GRAMD2B: variants seen among roughly 807,000 people sequenced by gnomAD.
GRAMD2B encodes GRAM domain containing 2B, also known as GRAM domain-containing protein 2B.
A neutral mutation model predicts 59.2 loss-of-function variants in GRAMD2B; 41 were observed. That is an observed-to-expected ratio of 0.69 (90% confidence interval 0.54 to 0.90). GRAMD2B has a LOEUF of 0.90. GRAMD2B is among the 40% of genes least tolerant of loss of function. The probability of loss-of-function intolerance (pLI) is 0.00; values close to 1 mark genes in which losing one functional copy is unlikely to be tolerated. For missense variants in GRAMD2B, 424 were observed against 500.5 expected (o/e 0.85, Z 1.46); for synonymous variants, 161 against 182.7 (o/e 0.88, Z 0.96).
chr5:126,377,368 T>A (rs1755280109), intron 1 of GRAMD2B, among the ~76,000 whole-genome samples: 1 of 152,102 alleles, frequency 6.6e-6, no homozygotes, highest in Non-Finnish European at 1.5e-5. Context: ...CCAATGCAGC[T>A]TAAGTTTCTA....
rs947463523 is a variant in GRAMD2B, at chr5:126,440,020, CT to C, written c.83+16340del. Among the ~76,000 whole-genome samples the C allele has an allele frequency of 2.2e-4, 34 of 151,206 alleles. 1 individual carries two copies. The highest frequency in any genetic ancestry group is 1.5e-4 in the Non-Finnish European group (10 of 67,738). ...GTGGAACAGTGACTCCATTAAAACT[CT>C]TTTTTTTTAATAAATTACCCAGTCT... On this transcript the variant is annotated intron_variant, in intron 1 of 13. Coordinates refer to ENST00000285689, the MANE Select transcript of GRAMD2B (RefSeq NM_023927.4).
intron 13 of GRAMD2B, among the ~76,000 whole-genome samples, chr5:126,489,668 A>G (rs1436371756): frequency 6.6e-6 from 1 of 152,234 alleles, no homozygotes; most frequent in African/African-American, 2.4e-5. Flanking sequence ...AGGCAGCAGG[A>G]GGGTGAGCTG....
At chr5:126,386,917 A>G (rs761420581) in intron 1 of GRAMD2B, among the ~76,000 whole-genome samples, 2 of 152,226 alleles carry the variant, frequency 1.3e-5, no homozygotes, top group Non-Finnish European at 2.9e-5. Flanking sequence ...CATTATCCAC[A>G]AAACCTTATG....
chr5:126,439,770 C>G (rs540307078), intron 1 of GRAMD2B, among the ~76,000 whole-genome samples: 16 of 152,316 alleles, frequency 1.1e-4, no homozygotes, highest in African/African-American at 3.6e-4. Flanking sequence ...TTGACTGGAG[C>G]TCCCATAATC....
At chr5:126,485,916 C>T in intron 11 of GRAMD2B, 143 bp downstream of exon 11, 1 of 577,782 alleles carries the variant, frequency 1.7e-6, no homozygotes, top group Admixed American at 3.6e-5. Context: ...TTTCTGTCTC[C>T]TACTTCAGGT....
intron 1 of GRAMD2B, chr5:126,465,041 A>G (rs374971060): frequency 2.9e-6 from 3 of 1,018,974 alleles, no homozygotes; most frequent in Non-Finnish European, 2.3e-6. Context: ...CCCAGCAGGA[A>G]GGCTCACACC....
intron 2 of GRAMD2B, among the ~76,000 whole-genome samples, chr5:126,468,479 CT>C: frequency 6.6e-6 from 1 of 152,086 alleles, no homozygotes; most frequent in African/African-American, 2.4e-5. Flanking sequence ...TATTTATTTA[CT>C]TTTTTTAATT....
At chr5:126,396,362 GT>G (rs1226939400) in intron 1 of GRAMD2B, among the ~76,000 whole-genome samples, 1 of 151,972 alleles carries the variant, frequency 6.6e-6, no homozygotes, top group Non-Finnish European at 1.5e-5. Flanking sequence ...CGGTGTGTGT[GT>G]TTCCCCTCTA....
intron 1 of GRAMD2B, among the ~76,000 whole-genome samples, chr5:126,447,928 C>T (rs1040951655): frequency 3.3e-5 from 5 of 151,580 alleles, no homozygotes; most frequent in African/African-American, 9.7e-5. Flanking sequence ...GGCATGATCT[C>T]GGCTTACTGC....
intron 5 of GRAMD2B, among the ~76,000 whole-genome samples, chr5:126,473,818 CTACTTATTAGCACTCCCTTTG>C (rs1210862627): frequency 2.0e-5 from 3 of 152,172 alleles, no homozygotes; most frequent in Non-Finnish European, 4.4e-5. Flanking sequence ...TATAAATAAG[CTACTTATTAGCACTCCCTTTG>C]TACCCTCACC....
At chr5:126,437,756 CA>C (rs1258031306) in intron 1 of GRAMD2B, among the ~76,000 whole-genome samples, 1 of 152,204 alleles carries the variant, frequency 6.6e-6, no homozygotes, top group Admixed American at 6.5e-5. Flanking sequence ...GTGGCAAGTA[CA>C]ACCAAGAGCA....
intron 5 of GRAMD2B, among the ~76,000 whole-genome samples, chr5:126,475,875 G>A (rs563130003): frequency 6.6e-6 from 1 of 152,040 alleles, no homozygotes; most frequent in Non-Finnish European, 1.5e-5. Context: ...TTGGGAGGCC[G>A]AGGCAGGCGG....
upstream of GRAMD2B, chr5:126,371,225 C>A: frequency 2.6e-6 from 2 of 776,574 alleles, no homozygotes; most frequent in Non-Finnish European, 3.2e-6. Flanking sequence ...TTACAGCAAA[C>A]ATAGGTAGGA....
intron 1 of GRAMD2B, among the ~76,000 whole-genome samples, chr5:126,438,336 A>G (rs998160179): frequency 9.2e-5 from 14 of 152,292 alleles, no homozygotes; most frequent in African/African-American, 3.4e-4. Flanking sequence ...GAAGGGGCAC[A>G]CCCAATAAGT....
At chr5:126,459,784 T>TG (rs1460154783) in intron 1 of GRAMD2B, among the ~76,000 whole-genome samples, 1 of 152,212 alleles carries the variant, frequency 6.6e-6, no homozygotes, top group African/African-American at 2.4e-5. Flanking sequence ...AATATAAATA[T>TG]TTTTAAGGCT....
At chr5:126,395,407 T>G (rs140609743) in intron 1 of GRAMD2B, among the ~76,000 whole-genome samples, 1 of 152,290 alleles carries the variant, frequency 6.6e-6, no homozygotes, top group African/African-American at 2.4e-5. Context: ...TGCTGTCTTG[T>G]GGATGAAAGC....
intron 5 of GRAMD2B, among the ~76,000 whole-genome samples, chr5:126,474,020 T>C (rs1432363396): frequency 6.6e-6 from 1 of 152,230 alleles, no homozygotes; most frequent in African/African-American, 2.4e-5. Flanking sequence ...CCTAAAGGAA[T>C]TGGCACTGCC....
At chr5:126,420,411 A>T (rs1419017906), upstream of GRAMD2B, among the ~76,000 whole-genome samples, 1 of 152,198 alleles carries the variant, frequency 6.6e-6, no homozygotes, top group Admixed American at 6.5e-5. Context: ...AAACATCAGT[A>T]GGTAAAATAT....
chr5:126,375,061 T>A (rs920851170), intron 1 of GRAMD2B, among the ~76,000 whole-genome samples: 1 of 152,236 alleles, frequency 6.6e-6, no homozygotes, highest in Non-Finnish European at 1.5e-5. Flanking sequence ...GCTTTCCATT[T>A]ATTTAGGTTT....
Sources: allele counts gnomAD v4.1 joint callset (sites outside exome capture counted in the v4.1 genomes callset), GRCh38; gene constraint gnomAD v4.1.1; transcripts MANE v1.5; gene names NCBI Gene and HGNC (gene_info 2026-07-23, HGNC 2026-07-21).